FAM89A: variants seen among roughly 807,000 people sequenced by gnomAD.
The protein encoded by FAM89A is family with sequence similarity 89 member A.
In FAM89A, 10 loss-of-function variants were observed where a neutral mutation model predicts 7.1. The observed-to-expected ratio is 1.40, with a 90% confidence interval of 0.86 to 2.38. The LOEUF (loss-of-function observed/expected upper bound fraction) is 2.38. Ranked by LOEUF, FAM89A falls within the 30% of genes most tolerant of loss-of-function variation. The pLI is 0.00. For synonymous variants in FAM89A, 157 were observed against 129.3 expected (o/e 1.21, Z -1.45); for missense variants, 276 against 262.8 (o/e 1.05, Z -0.35).
chr1:231,040,167 C>T lies in FAM89A; in HGVS notation c.45G>A (p.Ala15=). Residue 15 remains alanine (A), a synonymous_variant, in exon 1 of 2, where the codon GCG becomes GCA. Coordinates refer to ENST00000366654, the MANE Select transcript of FAM89A (RefSeq NM_198552.3). Reference sequence around the variant, plus strand: ...GCCCGTCCACCCGCAGCCCCCGGACCGCGCCGTTGCCCGCGGCCCCGGGCG... The same window carrying T: ...GCCCGTCCACCCGCAGCCCCCGGACTGCGCCGTTGCCCGCGGCCCCGGGCG... ...RAAPGAAGNG[A]VRGLRVDGLP... The T allele has an allele frequency of 1.7e-6, 2 of 1,187,378 alleles. No individual in the cohort carries two copies. The highest frequency in any genetic ancestry group is 2.1e-6 in the Non-Finnish European group (2 of 960,826). 73.6% of individuals were successfully genotyped at this position (1,187,378 alleles called of 1,614,324 possible). A position where few individuals can be genotyped will look rare whatever the true frequency, so the allele number is the denominator to read the frequency against.
chr1:231,020,102 A>T lies in FAM89A; in HGVS notation c.316T>A (p.Ser106Thr). ...AGGCTGTACAGTTGGCAGAGCAAGG[A>T]CATGTCCAGCTGGCGGAGACCAACC... ...EMVGLRQLDM[S>T]LLCQLYSLYE... is the part of the protein sequence containing the mutation. Residue 106 changes from serine (S) to threonine (T), a missense_variant, in exon 2 of 2, where the codon TCC (serine) becomes ACC (threonine). Ser to Thr is a moderately conservative substitution (Grantham distance 58). Transcript: ENST00000366654. 1 of 1,611,684 alleles carries T rather than the reference A, an allele frequency of 6.2e-7. No individual in the cohort carries two copies. The highest frequency in any genetic ancestry group is 8.5e-7 in the Non-Finnish European group (1 of 1,178,160).
chr1:231,021,671 C>T (rs890256135), intron 1 of FAM89A: 70 of 1,571,804 alleles, frequency 4.5e-5, no homozygotes, highest in East Asian at 6.7e-5. Flanking sequence ...GAAGCGAACA[C>T]GGGAAGCAAC....
intron 1 of FAM89A, chr1:231,021,992 G>T (rs1002553127): frequency 1.1e-5 from 15 of 1,329,082 alleles, no homozygotes; most frequent in Non-Finnish European, 1.3e-5. Flanking sequence ...CAGGCCCTCG[G>T]GTACTGTCGG....
chr1:231,026,643 C>A (rs1679978929), intron 1 of FAM89A: 1 of 152,220 alleles, frequency 6.6e-6, no homozygotes. Context: ...TCTCTCCAAG[C>A]TAAATATCTC....
chr1:231,032,308 A>G (rs1301304391), intron 1 of FAM89A, among the ~76,000 whole-genome samples: 3 of 151,780 alleles, frequency 2.0e-5, no homozygotes, highest in Non-Finnish European at 4.4e-5. Flanking sequence ...CACATATTCA[A>G]TTTCAGAGGT....
chr1:231,021,091 T>A (rs1045902811), intron 1 of FAM89A, among the ~76,000 whole-genome samples: 4 of 152,226 alleles, frequency 2.6e-5, no homozygotes, highest in Admixed American at 2.6e-4. Context: ...TGGATGGCTG[T>A]GCTTCCACCA....
chr1:231,020,794 T>C (rs1054000124), intron 1 of FAM89A, among the ~76,000 whole-genome samples: 12 of 152,144 alleles, frequency 7.9e-5, no homozygotes, highest in African/African-American at 2.9e-4. Flanking sequence ...TCCTGAAAAC[T>C]AGCCCCACAA....
chr1:231,024,466 T>A (rs576866303), intron 1 of FAM89A, among the ~76,000 whole-genome samples: 2 of 151,944 alleles, frequency 1.3e-5, no homozygotes, highest in Admixed American at 6.6e-5. Context: ...GCTGTCTCTC[T>A]ACTATGGCCT....
At chr1:231,024,914 CTT>C (rs60500715) in intron 1 of FAM89A, among the ~76,000 whole-genome samples, 1,020 of 63,218 alleles carry the variant, frequency 0.016, 1 homozygote, top group Middle Eastern at 0.036. Context: ...CACAACTACT[CTT>C]TTTTTTTTTT....
At chr1:231,030,953 T>C (rs1322862842) in intron 1 of FAM89A, among the ~76,000 whole-genome samples, 1 of 151,932 alleles carries the variant, frequency 6.6e-6, no homozygotes, top group African/African-American at 2.4e-5. Flanking sequence ...CCACAAAAAA[T>C]ATAAAAATCA....
chr1:231,028,260 G>T (rs1053866100), intron 1 of FAM89A, among the ~76,000 whole-genome samples: 1 of 152,102 alleles, frequency 6.6e-6, no homozygotes, highest in Non-Finnish European at 1.5e-5. Context: ...CTGAGTCCCC[G>T]CGTGCCTCCC....
chr1:231,025,212 G>A (rs564692172), intron 1 of FAM89A, among the ~76,000 whole-genome samples: 12 of 152,206 alleles, frequency 7.9e-5, no homozygotes, highest in South Asian at 4.2e-4. Flanking sequence ...GTGAGCCACC[G>A]TGCCCGGCCA....
At chr1:231,036,446 A>G (rs1299244128) in intron 1 of FAM89A, among the ~76,000 whole-genome samples, 1 of 152,186 alleles carries the variant, frequency 6.6e-6, no homozygotes. Context: ...CTTTTTCAAA[A>G]GGACTTTTTT....
intron 1 of FAM89A, among the ~76,000 whole-genome samples, chr1:231,038,718 A>G (rs891776190): frequency 6.6e-6 from 1 of 152,236 alleles, no homozygotes; most frequent in Admixed American, 6.5e-5. Flanking sequence ...TCTTTGATTA[A>G]AAGTGTTAAG....
intron 1 of FAM89A, among the ~76,000 whole-genome samples, chr1:231,030,525 T>C (rs1481258505): frequency 6.6e-6 from 1 of 152,226 alleles, no homozygotes; most frequent in Non-Finnish European, 1.5e-5. Context: ...TCTTGTTCTG[T>C]CCTGGATATA....
intron 1 of FAM89A, among the ~76,000 whole-genome samples, chr1:231,030,847 C>A (rs552540808): frequency 6.6e-6 from 1 of 152,188 alleles, no homozygotes; most frequent in East Asian, 1.9e-4. Flanking sequence ...AGGTGACTTA[C>A]ACCTGTAATT....
chr1:231,036,378 A>G (rs1435313990), intron 1 of FAM89A, among the ~76,000 whole-genome samples: 1 of 152,164 alleles, frequency 6.6e-6, no homozygotes, highest in Non-Finnish European at 1.5e-5. Context: ...TACACCCAGT[A>G]ATCATCTCTT....
At chr1:231,021,590 C>A in intron 1 of FAM89A, 2 of 1,372,366 alleles carry the variant, frequency 1.5e-6, no homozygotes, top group Non-Finnish European at 2.1e-6. Flanking sequence ...TGTTAGGAAA[C>A]GAAAGGCACC....
At chr1:231,021,934 G>A (rs1159657714) in intron 1 of FAM89A, 2 of 1,463,266 alleles carry the variant, frequency 1.4e-6, no homozygotes, top group Non-Finnish European at 9.6e-7. Context: ...ACGTGTATGT[G>A]ACTACCCACA....
Sources: allele counts gnomAD v4.1 joint callset (sites outside exome capture counted in the v4.1 genomes callset), GRCh38; gene constraint gnomAD v4.1.1; transcripts MANE v1.5; gene names NCBI Gene and HGNC (gene_info 2026-07-23, HGNC 2026-07-21).